Variants in RASGEF1C observed in about 807,000 individuals in gnomAD.
The protein encoded by RASGEF1C is ras-GEF domain-containing family member 1C.
A neutral mutation model predicts 58.1 loss-of-function variants in RASGEF1C; 27 were observed. The observed-to-expected ratio is 0.46, with a 90% CI of 0.34 to 0.64. The LOEUF is 0.64. Among genes scored for constraint, RASGEF1C ranks in the 30% least tolerant of loss-of-function variants. RASGEF1C has a pLI of 0.01. For missense variants in RASGEF1C, 502 were observed against 605.1 expected (o/e 0.83, Z 1.79); for synonymous variants, 243 against 246.3 (o/e 0.99, Z 0.13).
At chr5:180,207,742 G>C (rs1025067138) in intron 1 of RASGEF1C, among the ~76,000 whole-genome samples, 2 of 152,146 alleles carry the variant, frequency 1.3e-5, no homozygotes, top group Non-Finnish European at 2.9e-5. Context: ...AGACCCTGTA[G>C]CGTCTCAGCT....
rs189722952 is a variant in RASGEF1C, at chr5:180,113,467, C to T, written c.1179+979G>A. On this transcript the variant is annotated intron_variant, in intron 11 of 13. Transcript: ENST00000361132. ...GATGGACGGAGGGACCGGGGATGGA[C>T]GGAGTGACCGGGGATGGACGGAGGG... Among the ~76,000 whole-genome samples the T allele has an allele frequency of 4.9e-3, 224 of 46,118 alleles. 17 individuals carry two copies. Among genetic ancestry groups the T allele is most frequent in the African/African-American group, 0.017 (212 of 12,130 alleles). The allele number at this position is 46,118 out of a possible 152,430, so 30.3% of individuals were successfully genotyped here.
intron 1 of RASGEF1C, among the ~76,000 whole-genome samples, chr5:180,169,573 GA>G (rs1199050974): frequency 6.6e-6 from 1 of 151,008 alleles, no homozygotes; most frequent in Non-Finnish European, 1.5e-5. Flanking sequence ...TCAGCTGGGA[GA>G]GGGGGCTGGG....
At chr5:180,172,496 C>T (rs941519135) in intron 1 of RASGEF1C, among the ~76,000 whole-genome samples, 1 of 152,182 alleles carries the variant, frequency 6.6e-6, no homozygotes, top group Non-Finnish European at 1.5e-5. Flanking sequence ...CAGCCTGACA[C>T]GGAATCTGTG....
rs1185312951 is a variant in RASGEF1C at position 180,137,018 on chromosome 5, A to C, written c.301-503T>G. ...TGCGGTGGAGGCGGCCAAGCGCCACACCAGCCAGCCCGAGGGAGGCCAGCC... is the reference window on the plus strand; with the variant it reads ...TGCGGTGGAGGCGGCCAAGCGCCACCCCAGCCAGCCCGAGGGAGGCCAGCC... On this transcript the variant is annotated intron_variant, in intron 3 of 13. Transcript: ENST00000361132. This position sits in a 1 kb window ranked among gnomAD's most constrained non-coding sequence, Gnocchi z 4.1. Among the ~76,000 whole-genome samples the C allele has an allele frequency of 1.3e-5, 2 of 152,152 alleles. No homozygotes were observed. Among genetic ancestry groups the C allele is most frequent in the Non-Finnish European group, 2.9e-5 (2 of 68,018 alleles).
rs1561744331 is a variant in RASGEF1C, at chr5:180,152,086, TG to T, written c.-6-14029del. Among the ~76,000 whole-genome samples the T allele has an allele frequency of 2.0e-5, 3 of 150,804 alleles. No homozygotes were observed. The South Asian group carries it at 6.3e-4, about 31-fold the overall frequency. On this transcript the variant is annotated intron_variant, in intron 1 of 13. Coordinates refer to ENST00000361132, the MANE Select transcript of RASGEF1C (RefSeq NM_175062.4). ...AGGAAACAACAGGTGCTGGAGAGGATGTGGAGAAATAGGAACACTTTTACAC... is the reference window on the plus strand; with the variant it reads ...AGGAAACAACAGGTGCTGGAGAGGATTGGAGAAATAGGAACACTTTTACAC...
chr5:180,107,650 C>T (rs1470446302), intron 12 of RASGEF1C, among the ~76,000 whole-genome samples: 1 of 151,916 alleles, frequency 6.6e-6, no homozygotes, highest in East Asian at 1.9e-4. Context: ...GCTCTGTCAC[C>T]CAGGCTGGAG....
At position 180,111,352 on chromosome 5, in the gene RASGEF1C, G is replaced by A. The variant is rs551133770; in HGVS notation, c.1303+105C>T. On this transcript the variant is annotated intron_variant, in intron 12 of 13. Transcript: ENST00000361132. ...CTCCCGGAGCCAGCCCAGGTGGGCA[G>A]GGTGCATCCCTAACCTACTCAGAGC... 1.5e-5 allele frequency: 22 copies of A among 1,480,532 alleles called. No individual in the cohort carries two copies. In the South Asian group the frequency reaches 1.8e-4, roughly 12 times the overall value. The allele number at this position is 1,480,532 out of a possible 1,614,324, so 91.7% of individuals were successfully genotyped here.
intron 4 of RASGEF1C, among the ~76,000 whole-genome samples, chr5:180,130,484 G>A (rs1766347958): frequency 6.6e-6 from 1 of 152,168 alleles, no homozygotes; most frequent in Non-Finnish European, 1.5e-5. Context: ...TCTCTCCCAG[G>A]CAAAGCCAGA....
chr5:180,136,670 G>A (rs1302936425), intron 3 of RASGEF1C, 155 bp from the exon 4 acceptor site: 22 of 744,978 alleles, frequency 3.0e-5, no homozygotes, highest in Non-Finnish European at 4.5e-5. Context: ...CCTGCTCTGC[G>A]CCCACGGGGA....
intron 6 of RASGEF1C, among the ~76,000 whole-genome samples, chr5:180,121,470 C>G (rs1412181541): frequency 6.6e-6 from 1 of 152,110 alleles, no homozygotes; most frequent in East Asian, 1.9e-4. Flanking sequence ...CCCGCCACCA[C>G]GCCCAGAGAA....
rs767903141 is a variant in RASGEF1C, at chr5:180,118,769, C to T, written c.987+18G>A. 1.3e-4 allele frequency: 215 copies of T among 1,613,958 alleles called. No individual in the cohort carries two copies. Among genetic ancestry groups the T allele is most frequent in the Non-Finnish European group, 1.8e-4 (210 of 1,179,920 alleles). On this transcript the variant is annotated intron_variant, in intron 9 of 13. Transcript: ENST00000361132. Reference sequence around the variant, plus strand: ...GGGGATGGCCGGAGGCACCCGGCAGCCCAGCAGCCTCATTTACCTCGAGGA... The same window carrying T: ...GGGGATGGCCGGAGGCACCCGGCAGTCCAGCAGCCTCATTTACCTCGAGGA...
intron 1 of RASGEF1C, among the ~76,000 whole-genome samples, chr5:180,157,467 A>G (rs1271825737): frequency 6.6e-6 from 1 of 151,862 alleles, no homozygotes; most frequent in African/African-American, 2.4e-5. Flanking sequence ...ACTAAAAAAA[A>G]AAATACATAA....
chr5:180,174,736 G>A (rs1001543656), intron 1 of RASGEF1C, among the ~76,000 whole-genome samples: 6 of 152,208 alleles, frequency 3.9e-5, no homozygotes, highest in African/African-American at 1.4e-4. Flanking sequence ...TCCACAGCCA[G>A]CACTCAGACA....
intron 10 of RASGEF1C, among the ~76,000 whole-genome samples, chr5:180,114,811 G>A (rs578218193): frequency 6.6e-6 from 1 of 152,230 alleles, no homozygotes; most frequent in Non-Finnish European, 1.5e-5. Flanking sequence ...GCCACCGCCC[G>A]TCCTGGGGCT....
intron 6 of RASGEF1C, among the ~76,000 whole-genome samples, chr5:180,121,970 C>T (rs1766184271): frequency 6.6e-6 from 1 of 152,264 alleles, no homozygotes; most frequent in Admixed American, 6.5e-5. Flanking sequence ...GCTGAAGTGC[C>T]GTCTAGTATT....
chr5:180,105,932 T>G (rs180687829), intron 12 of RASGEF1C, among the ~76,000 whole-genome samples: 2 of 151,902 alleles, frequency 1.3e-5, no homozygotes, highest in East Asian at 3.9e-4. Context: ...ACAGTTGATC[T>G]GATAGCTGAG....
chr5:180,153,430 C>T (rs1652600617), intron 1 of RASGEF1C, among the ~76,000 whole-genome samples: 1 of 152,320 alleles, frequency 6.6e-6, no homozygotes, highest in Non-Finnish European at 1.5e-5. Context: ...CCATGATTTA[C>T]TATCCAAGCC....
intron 1 of RASGEF1C, among the ~76,000 whole-genome samples, chr5:180,161,224 G>T (rs962383555): frequency 6.6e-6 from 1 of 152,236 alleles, no homozygotes; most frequent in Non-Finnish European, 1.5e-5. Context: ...TCCCAGATTT[G>T]GGGGAGAGGA....
At chr5:180,135,243 C>T (rs906818899) in intron 4 of RASGEF1C, 6 of 152,274 alleles carry the variant, frequency 3.9e-5, no homozygotes, top group African/African-American at 1.4e-4. Flanking sequence ...AACTTGCCTG[C>T]TCAGTTCTGA....
Sources: allele counts gnomAD v4.1 joint callset (sites outside exome capture counted in the v4.1 genomes callset), GRCh38; gene constraint gnomAD v4.1.1; non-coding constraint Gnocchi (gnomAD v3.1); transcripts MANE v1.5; gene names NCBI Gene and HGNC (gene_info 2026-07-23, HGNC 2026-07-21).